Variants in PPARGC1A observed in about 807,000 individuals in gnomAD.
PPARGC1A encodes the protein peroxisome proliferator-activated receptor gamma coactivator 1-alpha.
In PPARGC1A, 25 loss-of-function variants were observed where a neutral mutation model predicts 88.7. The observed-to-expected ratio is 0.28, with a 90% CI of 0.21 to 0.39. The LOEUF (loss-of-function observed/expected upper bound fraction) is 0.39. Ranked by LOEUF, PPARGC1A falls within the 10% of genes least tolerant of loss-of-function variation. PPARGC1A has a pLI of 1.00. For synonymous variants in PPARGC1A, 363 were observed against 355.6 expected, an observed-to-expected ratio of 1.02 and a Z score of -0.24; for missense variants, 880 against 968.7, an observed-to-expected ratio of 0.91 and a Z score of 1.22.
chr4:23,841,022 G>A (rs942684056), intron 2 of PPARGC1A, among the ~76,000 whole-genome samples: 3 of 152,110 alleles, frequency 2.0e-5, no homozygotes, highest in African/African-American at 2.4e-5. Context: ...CCTAGGCAGT[G>A]AATCTATAGA....
the PPARGC1A span, among the ~76,000 whole-genome samples, chr4:24,081,302 T>C: frequency 6.6e-6 from 1 of 151,886 alleles, no homozygotes; most frequent in African/African-American, 2.4e-5. Context: ...AGGCAAAAGG[T>C]GGGGTTAAGG....
the PPARGC1A span, among the ~76,000 whole-genome samples, chr4:24,307,664 A>C: frequency 6.6e-6 from 1 of 152,202 alleles, no homozygotes; most frequent in Non-Finnish European, 1.5e-5. Context: ...TGAGGACCAC[A>C]GGTATATAAG....
chr4:24,371,777 C>CA, the PPARGC1A span, among the ~76,000 whole-genome samples: 2 of 111,452 alleles, frequency 1.8e-5, no homozygotes, highest in Non-Finnish European at 3.7e-5. Context: ...CCCATCTCCA[C>CA]AAAAAATACA....
the PPARGC1A span, among the ~76,000 whole-genome samples, chr4:24,102,489 C>T: frequency 5.3e-5 from 8 of 152,154 alleles, no homozygotes; most frequent in Non-Finnish European, 1.2e-4. Context: ...CTCCTGAGGC[C>T]CTGTTTCTTC....
chr4:23,918,194 G>A, the PPARGC1A span, among the ~76,000 whole-genome samples: 2 of 151,842 alleles, frequency 1.3e-5, no homozygotes, highest in African/African-American at 4.8e-5. Context: ...GGGGAGGTCC[G>A]ACACAACAAA....
At chr4:23,985,033 A>C in the PPARGC1A span, among the ~76,000 whole-genome samples, 1 of 152,134 alleles carries the variant, frequency 6.6e-6, no homozygotes. Flanking sequence ...AATGGAAATA[A>C]TTAAAGCTCT....
the PPARGC1A span, among the ~76,000 whole-genome samples, chr4:23,915,237 T>C: frequency 1.3e-5 from 2 of 152,186 alleles, no homozygotes; most frequent in East Asian, 3.8e-4. Context: ...AGGAATATCA[T>C]ATCAATAGAA....
At chr4:23,863,208 C>T (rs1196334053) in intron 2 of PPARGC1A, among the ~76,000 whole-genome samples, 1 of 152,084 alleles carries the variant, frequency 6.6e-6, no homozygotes, top group Non-Finnish European at 1.5e-5. Flanking sequence ...CTAATTCAAG[C>T]TCTATGACCT....
the PPARGC1A span, among the ~76,000 whole-genome samples, chr4:23,955,742 T>TCTGATCTCATGAG: frequency 6.6e-6 from 1 of 152,274 alleles, no homozygotes; most frequent in South Asian, 2.1e-4. Flanking sequence ...ATTCCTATTT[T>TCTGATCTCATGAG]GTTCTGATCT....
chr4:24,378,077 C>G, the PPARGC1A span, among the ~76,000 whole-genome samples: 1 of 152,328 alleles, frequency 6.6e-6, no homozygotes, highest in Non-Finnish European at 1.5e-5. Context: ...TGGCTCACAC[C>G]TGTAATACCA....
chr4:24,233,264 A>T, the PPARGC1A span, among the ~76,000 whole-genome samples: 1 of 152,214 alleles, frequency 6.6e-6, no homozygotes, highest in Non-Finnish European at 1.5e-5. Flanking sequence ...AGCCAAGCAA[A>T]TATGATGTGA....
the PPARGC1A span, among the ~76,000 whole-genome samples, chr4:24,310,568 C>A: frequency 6.6e-6 from 1 of 152,096 alleles, no homozygotes; most frequent in South Asian, 2.1e-4. Context: ...CTGCATGGGG[C>A]CAACTGAAAG....
At chr4:24,233,359 TTC>T in the PPARGC1A span, among the ~76,000 whole-genome samples, 25 of 150,250 alleles carry the variant, frequency 1.7e-4, no homozygotes, top group Non-Finnish European at 2.1e-4. Context: ...CTCTCTGTCT[TTC>T]TCTCTCTCTC....
At chr4:24,369,151 G>T in the PPARGC1A span, among the ~76,000 whole-genome samples, 1 of 152,188 alleles carries the variant, frequency 6.6e-6, no homozygotes, top group Admixed American at 6.6e-5. Flanking sequence ...AAGACTGGAA[G>T]AGCAGGGTGA....
intron 12 of PPARGC1A, among the ~76,000 whole-genome samples, chr4:23,796,145 C>G (rs1411886568): frequency 6.6e-6 from 1 of 152,118 alleles, no homozygotes; most frequent in East Asian, 1.9e-4. Flanking sequence ...TAGGCTTAAA[C>G]ACCCTGGGAG....
the PPARGC1A span, among the ~76,000 whole-genome samples, chr4:24,359,755 C>T: frequency 6.6e-6 from 1 of 152,142 alleles, no homozygotes; most frequent in Non-Finnish European, 1.5e-5. Flanking sequence ...GATTCTTCTA[C>T]AAGCCAAGGA....
the PPARGC1A span, among the ~76,000 whole-genome samples, chr4:23,970,447 A>G: frequency 6.6e-6 from 1 of 152,168 alleles, no homozygotes; most frequent in African/African-American, 2.4e-5. Flanking sequence ...TGTTAGCCAC[A>G]TGTCCCAGCC....
chr4:24,181,988 T>G, the PPARGC1A span, among the ~76,000 whole-genome samples: 1 of 151,924 alleles, frequency 6.6e-6, no homozygotes, highest in African/African-American at 2.4e-5. Context: ...GCACCTCACT[T>G]TTTTTTAATT....
the PPARGC1A span, among the ~76,000 whole-genome samples, chr4:24,468,628 C>T: frequency 6.6e-6 from 1 of 152,266 alleles, no homozygotes; most frequent in Admixed American, 6.5e-5. Flanking sequence ...AATAAAATGT[C>T]ACAGAACAAG....
Sources: gnomAD v4.1 joint callset for allele counts (sites outside exome capture counted in the v4.1 genomes callset) on GRCh38, gnomAD v4.1.1 for gene constraint, MANE v1.5 for transcripts, NCBI Gene and HGNC (gene_info 2026-07-23, HGNC 2026-07-21) for gene names.